ARL15: variants seen among roughly 807,000 people sequenced by gnomAD.
ARL15 encodes the protein ARF like GTPase 15, also known as ADP-ribosylation factor-like protein 15.
In ARL15, 19 loss-of-function variants were observed where a neutral mutation model predicts 25.2. That is an observed-to-expected ratio of 0.75 (90% CI 0.53 to 1.10). ARL15 has a LOEUF of 1.10. ARL15 is among the 50% of genes least tolerant of loss of function. The probability of loss-of-function intolerance (pLI) is 0.00; values close to 1 mark genes in which losing one functional copy is unlikely to be tolerated. For missense variants in ARL15, 220 were observed against 246.0 expected, an observed-to-expected ratio of 0.89 and a Z score of 0.71; for synonymous variants, 94 against 86.8, an observed-to-expected ratio of 1.08 and a Z score of -0.46.
chr5:54,067,740 G>A (rs984927129), intron 4 of ARL15, among the ~76,000 whole-genome samples: 7 of 152,154 alleles, frequency 4.6e-5, no homozygotes, highest in African/African-American at 9.7e-5. Context: ...TGCCTGGCAC[G>A]TAGTGAGCAC....
chr5:54,204,856 G>A (rs1452307044), intron 1 of ARL15, among the ~76,000 whole-genome samples: 1 of 151,468 alleles, frequency 6.6e-6, no homozygotes, highest in Non-Finnish European at 1.5e-5. Flanking sequence ...TGTAGCTTGT[G>A]CACTGTTTTT....
intron 4 of ARL15, among the ~76,000 whole-genome samples, chr5:53,968,794 C>G (rs1747646856): frequency 6.6e-6 from 1 of 151,772 alleles, no homozygotes; most frequent in Non-Finnish European, 1.5e-5. Context: ...CAGGCGTGAG[C>G]CACCGCTCCC....
intron 3 of ARL15, among the ~76,000 whole-genome samples, chr5:54,141,131 T>A (rs1334772017): frequency 6.6e-6 from 1 of 151,892 alleles, no homozygotes; most frequent in Admixed American, 6.6e-5. Context: ...TCACTCTTTA[T>A]ATAATGAATC....
intron 4 of ARL15, among the ~76,000 whole-genome samples, chr5:53,910,265 T>C (rs72763141): frequency 0.013 from 1,974 of 152,256 alleles, 13 homozygotes; most frequent in Non-Finnish European, 0.018. Context: ...TTAGAGAAGA[T>C]CATTGAAAGG....
intron 1 of ARL15, among the ~76,000 whole-genome samples, chr5:54,217,916 TTC>T (rs1391538174): frequency 6.6e-6 from 1 of 150,772 alleles, no homozygotes; most frequent in Non-Finnish European, 1.5e-5. Context: ...GTGGCTATAA[TTC>T]TGTTAAGTTT....
intron 1 of ARL15, among the ~76,000 whole-genome samples, chr5:54,260,349 A>G (rs1328644683): frequency 6.6e-6 from 1 of 152,208 alleles, no homozygotes; most frequent in African/African-American, 2.4e-5. Context: ...TTACATAGGT[A>G]CTAAGTCACC....
rs150677937 is a variant in ARL15, at chr5:54,117,079, T to C, written c.254-3669A>G. Among the ~76,000 whole-genome samples, 834 of 152,260 alleles carry C rather than the reference T, an allele frequency of 5.5e-3. 6 individuals carry two copies. The highest frequency in any genetic ancestry group is 0.019 in the African/African-American group (799 of 41,540). On this transcript the variant is annotated intron_variant, in intron 3 of 4. Transcript: ENST00000504924. Reference sequence around the variant, plus strand: ...TCTGAGCTAGGACCTAAAGAGATATTTAGAAAGCCATTATTCCTCTTAACT... The same window carrying C: ...TCTGAGCTAGGACCTAAAGAGATATCTAGAAAGCCATTATTCCTCTTAACT...
intron 4 of ARL15, among the ~76,000 whole-genome samples, chr5:54,029,871 C>G (rs1749919623): frequency 6.6e-6 from 1 of 151,720 alleles, no homozygotes; most frequent in African/African-American, 2.4e-5. Context: ...GTGGCGGGTG[C>G]CTGTAGTCCC....
At chr5:54,049,745 T>C (rs1048950038) in intron 4 of ARL15, among the ~76,000 whole-genome samples, 1 of 152,010 alleles carries the variant, frequency 6.6e-6, no homozygotes, top group South Asian at 2.1e-4. Flanking sequence ...TGTTCTGATT[T>C]TTTTTTTGTA....
rs534273739 is a variant in ARL15, at chr5:54,270,883, G to A, written c.48+39549C>T. 2.2e-3 allele frequency among the ~76,000 whole-genome samples: 333 copies of A among 152,312 alleles called. 1 individual carries two copies. Among genetic ancestry groups the A allele is most frequent in the African/African-American group, 7.7e-3 (322 of 41,560 alleles). ...GCATGTGAGTCTGAGCGGACTAGGT[G>A]GGGAAGATCCACCCTCAATGTGGGC... On this transcript the variant is annotated intron_variant, in intron 1 of 4. Coordinates refer to ENST00000504924, the MANE Select transcript of ARL15 (RefSeq NM_019087.3).
intron 4 of ARL15, among the ~76,000 whole-genome samples, chr5:53,921,227 A>C (rs1327630327): frequency 6.6e-6 from 1 of 152,160 alleles, no homozygotes; most frequent in Non-Finnish European, 1.5e-5. Context: ...TCAGAGAGGT[A>C]AGTCACTTGT....
chr5:54,084,708 A>C (rs1579781811), intron 4 of ARL15, among the ~76,000 whole-genome samples: 1 of 152,246 alleles, frequency 6.6e-6, no homozygotes, highest in East Asian at 1.9e-4. Flanking sequence ...TATTCTCTGG[A>C]GGACAAAGTG....
chr5:54,211,440 A>G (rs1008687543), intron 1 of ARL15, among the ~76,000 whole-genome samples: 1 of 147,546 alleles, frequency 6.8e-6, no homozygotes, highest in African/African-American at 2.5e-5. Flanking sequence ...AGCTGACATT[A>G]GTTTTAGGCA....
chr5:53,937,276 CAT>C (rs2112072122), intron 4 of ARL15, among the ~76,000 whole-genome samples: 1 of 149,576 alleles, frequency 6.7e-6, no homozygotes, highest in South Asian at 2.1e-4. Context: ...ACAAAATACA[CAT>C]GTGCACGCCT....
chr5:54,119,719 C>T (rs1753015638), intron 3 of ARL15, among the ~76,000 whole-genome samples: 1 of 152,140 alleles, frequency 6.6e-6, no homozygotes, highest in African/African-American at 2.4e-5. Context: ...CTGGACCAGA[C>T]CTAAGGTTTC....
chr5:54,030,787 T>G (rs1416549967), intron 4 of ARL15, among the ~76,000 whole-genome samples: 3 of 152,218 alleles, frequency 2.0e-5, no homozygotes, highest in African/African-American at 7.2e-5. Flanking sequence ...ATCTCCTACC[T>G]GCTAAAGGGC....
Position 53,885,460 on chromosome 5 carries a change from C to T in ARL15, c.*1101G>A, listed in dbSNP as rs953963094. 6.6e-6 allele frequency: 1 copy of T among 152,344 alleles called. No individual in the cohort carries two copies. Among genetic ancestry groups the T allele is most frequent in the South Asian group, 2.1e-4 (1 of 4,802 alleles). 9.4% of individuals were successfully genotyped at this position (152,344 alleles called of 1,614,324 possible). ...CCAATATTATTTATTTGCTGCAGCC[C>T]CAGCACAATTTTAAGGGCACATTGA... is the stretch of plus-strand genomic sequence containing the variant. On this transcript the variant is annotated 3_prime_UTR_variant, in exon 5 of 5. Coordinates refer to ENST00000504924, the MANE Select transcript of ARL15 (RefSeq NM_019087.3).
chr5:53,959,659 C>T (rs1747296816), intron 4 of ARL15, among the ~76,000 whole-genome samples: 1 of 152,034 alleles, frequency 6.6e-6, no homozygotes, highest in South Asian at 2.1e-4. Context: ...GACCTATGGA[C>T]TTATTATTCC....
intron 1 of ARL15, among the ~76,000 whole-genome samples, chr5:54,230,564 T>C (rs145148086): frequency 6.4e-4 from 97 of 152,248 alleles, no homozygotes; most frequent in Middle Eastern, 3.4e-3. Context: ...AACCAGCTCC[T>C]GCTCTTGATT....
Sources: allele counts gnomAD v4.1 joint callset (sites outside exome capture counted in the v4.1 genomes callset), GRCh38; gene constraint gnomAD v4.1.1; transcripts MANE v1.5; gene names NCBI Gene and HGNC (gene_info 2026-07-23, HGNC 2026-07-21).